ZMPSTE24: variants seen among roughly 807,000 people sequenced by gnomAD.
ZMPSTE24 encodes CAAX prenyl protease 1 homolog.
A neutral mutation model predicts 56.7 loss-of-function variants in ZMPSTE24; 48 were observed. The observed-to-expected ratio is 0.85, with a 90% confidence interval of 0.67 to 1.08. The LOEUF (loss-of-function observed/expected upper bound fraction) is 1.08. Ranked by LOEUF, ZMPSTE24 falls within the 50% of genes least tolerant of loss-of-function variation. The pLI is 0.00. For missense variants in ZMPSTE24, 503 were observed against 548.7 expected, an observed-to-expected ratio of 0.92 and a Z score of 0.83; for synonymous variants, 172 against 195.2, an observed-to-expected ratio of 0.88 and a Z score of 0.99.
intron 2 of ZMPSTE24, among the ~76,000 whole-genome samples, chr1:40,264,069 C>G (rs184728873): frequency 1.3e-5 from 2 of 152,144 alleles, no homozygotes; most frequent in East Asian, 1.9e-4. Flanking sequence ...CGGTGGCTCA[C>G]GCCTGTATTC....
chr1:40,280,660 A>G (rs1643720383), intron 6 of ZMPSTE24, among the ~76,000 whole-genome samples: 2 of 152,168 alleles, frequency 1.3e-5, no homozygotes, highest in Admixed American at 6.5e-5. Context: ...TCCTGACTTC[A>G]AGTGATCCGC....
At chr1:40,284,907 C>G (rs1643770127) in intron 7 of ZMPSTE24, among the ~76,000 whole-genome samples, 2 of 148,096 alleles carry the variant, frequency 1.4e-5, no homozygotes, top group East Asian at 3.9e-4. Context: ...TAATCATTTT[C>G]CAATGTCAAA....
intron 8 of ZMPSTE24, among the ~76,000 whole-genome samples, chr1:40,288,986 G>A (rs1419470861): frequency 6.6e-6 from 1 of 151,682 alleles, no homozygotes; most frequent in Non-Finnish European, 1.5e-5. Flanking sequence ...GACCATCCCT[G>A]AGTGGCTCTG....
At chr1:40,265,424 A>G (rs1369296342) in intron 2 of ZMPSTE24, among the ~76,000 whole-genome samples, 1 of 152,190 alleles carries the variant, frequency 6.6e-6, no homozygotes, top group African/African-American at 2.4e-5. Context: ...TTTGAAAAGC[A>G]ATTTATTGGG....
chr1:40,272,881 G>GTT (rs1643626365), intron 6 of ZMPSTE24, among the ~76,000 whole-genome samples: 1 of 152,128 alleles, frequency 6.6e-6, no homozygotes, highest in Non-Finnish European at 1.5e-5. Flanking sequence ...TTTCACAAAT[G>GTT]TTTTTTGTAA....
At chr1:40,280,486 G>C (rs148175611) in intron 6 of ZMPSTE24, among the ~76,000 whole-genome samples, 1 of 151,610 alleles carries the variant, frequency 6.6e-6, no homozygotes, top group Non-Finnish European at 1.5e-5. Context: ...GTGCAGTGGC[G>C]ACATCTCTGC....
At chr1:40,269,008 A>G (rs891508976) in intron 4 of ZMPSTE24, among the ~76,000 whole-genome samples, 1 of 147,520 alleles carries the variant, frequency 6.8e-6, no homozygotes, top group Non-Finnish European at 1.5e-5. Flanking sequence ...CCCGGGAGGC[A>G]GAGCTTGCAG....
intron 7 of ZMPSTE24, 80 bp from the exon 8 acceptor site, chr1:40,285,845 T>G: frequency 9.0e-7 from 1 of 1,111,230 alleles, no homozygotes; most frequent in Non-Finnish European, 1.3e-6. Flanking sequence ...AGTTAAAATC[T>G]ATGAAGGGCT....
rs1643839095 is a variant in ZMPSTE24, at chr1:40,291,082, G to C, written c.1203+85G>C. 6 of 1,534,784 alleles carry C rather than the reference G, an allele frequency of 3.9e-6. No homozygotes were observed. In the South Asian group the frequency reaches 5.8e-5, roughly 15 times the overall value. ...TTTCAGGATAGTGAAAAAGGAAATAGAACAGTACAGTTTTAACAAATAGAT... is the reference window on the plus strand; with the variant it reads ...TTTCAGGATAGTGAAAAAGGAAATACAACAGTACAGTTTTAACAAATAGAT... On this transcript the variant is annotated intron_variant, in intron 9 of 9. Coordinates refer to ENST00000372759, the MANE Select transcript of ZMPSTE24 (RefSeq NM_005857.5).
intron 5 of ZMPSTE24, among the ~76,000 whole-genome samples, 200 bp from the exon 6 acceptor site, chr1:40,271,694 C>T (rs1479521456): frequency 1.3e-5 from 2 of 152,190 alleles, no homozygotes; most frequent in African/African-American, 4.8e-5. Flanking sequence ...TCAGACTACT[C>T]ATTTCAATTT....
intron 6 of ZMPSTE24, among the ~76,000 whole-genome samples, chr1:40,275,887 G>C (rs1643666569): frequency 6.6e-6 from 1 of 152,128 alleles, no homozygotes; most frequent in Admixed American, 6.5e-5. Context: ...AACCTGTCTG[G>C]TGAGGACACT....
rs373455378 is a variant in ZMPSTE24, at chr1:40,278,825, A to G, written c.770-2518A>G. Among the ~76,000 whole-genome samples the G allele has an allele frequency of 7.9e-5, 12 of 152,286 alleles. 1 individual carries two copies. Among genetic ancestry groups the G allele is most frequent in the East Asian group, 3.9e-4 (2 of 5,186 alleles). ...ATAAAGAAGAAAATAAAAATCAACC[A>G]TAGTTCAGGTACTGTTAGCTGCTAT... On this transcript the variant is annotated intron_variant, in intron 6 of 9. Transcript: ENST00000372759.
intron 6 of ZMPSTE24, 81 bp downstream of exon 6, chr1:40,272,116 G>T (rs992665986): frequency 3.6e-6 from 5 of 1,394,224 alleles, no homozygotes; most frequent in Admixed American, 2.5e-5. Context: ...TTTAATAAAA[G>T]AATTAATCAG....
intron 6 of ZMPSTE24, among the ~76,000 whole-genome samples, chr1:40,277,301 T>C (rs1285517995): frequency 6.6e-6 from 1 of 152,110 alleles, no homozygotes; most frequent in Non-Finnish European, 1.5e-5. Flanking sequence ...TTAGCCAGGA[T>C]GGTCTCGATC....
chr1:40,271,364 G>A (rs1162906729), intron 5 of ZMPSTE24, among the ~76,000 whole-genome samples: 3 of 152,222 alleles, frequency 2.0e-5, no homozygotes, highest in African/African-American at 4.8e-5. Context: ...ATGAAAAAGA[G>A]CAGAGAAAAT....
intron 6 of ZMPSTE24, among the ~76,000 whole-genome samples, chr1:40,274,283 T>G (rs1013123296): frequency 3.9e-5 from 6 of 152,226 alleles, no homozygotes; most frequent in African/African-American, 9.6e-5. Flanking sequence ...ACAGTAACAA[T>G]TCTCAAAAAT....
At chr1:40,288,164 C>A (rs1287430019) in intron 8 of ZMPSTE24, among the ~76,000 whole-genome samples, 2 of 151,982 alleles carry the variant, frequency 1.3e-5, no homozygotes, top group Non-Finnish European at 2.9e-5. Context: ...GGGTGACAGA[C>A]CCTGTCTCTA....
chr1:40,287,920 T>C (rs1180563100), intron 8 of ZMPSTE24, among the ~76,000 whole-genome samples: 2 of 151,990 alleles, frequency 1.3e-5, no homozygotes, highest in Admixed American at 6.5e-5. Context: ...CTCATGCCTG[T>C]AATCCCAATA....
At chr1:40,291,343 A>G (rs1643842483) in intron 9 of ZMPSTE24, among the ~76,000 whole-genome samples, 1 of 152,224 alleles carries the variant, frequency 6.6e-6, no homozygotes, top group Non-Finnish European at 1.5e-5. Flanking sequence ...TGAGGGGACA[A>G]AGCAAACACT....
Sources: gnomAD v4.1 joint callset for allele counts (sites outside exome capture counted in the v4.1 genomes callset) on GRCh38, gnomAD v4.1.1 for gene constraint, MANE v1.5 for transcripts, NCBI Gene and HGNC (gene_info 2026-07-23, HGNC 2026-07-21) for gene names.